The following DAPP1 variants were observed in gnomAD, a reference collection of about 807,000 sequenced individuals.
DAPP1 encodes dual adapter for phosphotyrosine and 3-phosphotyrosine and 3-phosphoinositide.
Under a neutral mutation model 41.5 loss-of-function variants are expected in DAPP1, and 20 were observed. That is an observed-to-expected ratio of 0.48 (90% CI 0.34 to 0.70). The LOEUF (loss-of-function observed/expected upper bound fraction) is 0.70. Among genes scored for constraint, DAPP1 ranks in the 30% least tolerant of loss-of-function variants. DAPP1 has a pLI of 0.01. For missense variants in DAPP1, 233 were observed against 333.4 expected (o/e 0.70, Z 2.35); for synonymous variants, 113 against 116.2 (o/e 0.97, Z 0.18).
In DAPP1 at chr4:99,861,570, T is replaced by C; in HGVS notation, c.490-8T>C. On this transcript the variant is annotated splice_polypyrimidine_tract_variant and splice_region_variant and intron_variant, in intron 4 of 8. Coordinates refer to ENST00000512369, the MANE Select transcript of DAPP1 (RefSeq NM_014395.3). ...TTCTGGTCTTCACTCAGTGCTTTTC[T>C]TTTTCAGCTGGGCACCAAAGAAGGT... The C allele has an allele frequency of 6.4e-7, 1 of 1,568,048 alleles. No individual in the cohort carries two copies. The highest frequency in any genetic ancestry group is 8.7e-7 in the Non-Finnish European group (1 of 1,155,538).
Position 99,869,793 on chromosome 4 carries a change from G to A in DAPP1, c.*1608G>A, listed in dbSNP as rs1174492619. The A allele has an allele frequency of 2.0e-5, 3 of 152,156 alleles. No homozygotes were observed. Among genetic ancestry groups the A allele is most frequent in the Admixed American group, 6.5e-5 (1 of 15,274 alleles). 9.4% of individuals were successfully genotyped at this position (152,156 alleles called of 1,614,324 possible). ...AAAAATACAAAAATTAGCTGGGCATGGTGGCAGGCGCCTGTAATCCCAGCT... is the reference window on the plus strand; with the variant it reads ...AAAAATACAAAAATTAGCTGGGCATAGTGGCAGGCGCCTGTAATCCCAGCT... On this transcript the variant is annotated 3_prime_UTR_variant, in exon 9 of 9. Transcript: ENST00000512369.
At chr4:99,847,828 GTTTT>G (rs1330737937) in intron 3 of DAPP1, among the ~76,000 whole-genome samples, 2 of 146,724 alleles carry the variant, frequency 1.4e-5, no homozygotes, top group Admixed American at 1.4e-4. Context: ...TTGTTTGTTT[GTTTT>G]GAGACAGAGT....
intron 1 of DAPP1, among the ~76,000 whole-genome samples, chr4:99,819,552 A>C (rs4699764): frequency 0.55 from 83,836 of 151,992 alleles, 23,722 homozygotes; most frequent in African/African-American, 0.69. Flanking sequence ...GAACATTATA[A>C]TGACTTTTTC....
At chr4:99,825,657 T>C (rs1454320626) in intron 1 of DAPP1, among the ~76,000 whole-genome samples, 2 of 152,222 alleles carry the variant, frequency 1.3e-5, no homozygotes, top group African/African-American at 2.4e-5. Flanking sequence ...AACGTCTCTA[T>C]TGGAGAGACT....
chr4:99,834,848 TC>T (rs1399382966), intron 1 of DAPP1, among the ~76,000 whole-genome samples: 1 of 152,138 alleles, frequency 6.6e-6, no homozygotes, highest in African/African-American at 2.4e-5. Flanking sequence ...ATTGGTTCCT[TC>T]CGAGGGCCGT....
chr4:99,841,411 G>A (rs1310404020), intron 3 of DAPP1, among the ~76,000 whole-genome samples: 4 of 152,170 alleles, frequency 2.6e-5, no homozygotes, highest in Admixed American at 6.5e-5. Flanking sequence ...GCTTTATACT[G>A]ACCACACCAA....
chr4:99,863,730 T>A, intron 6 of DAPP1, 40 bp from the exon 7 acceptor site: 1 of 1,265,406 alleles, frequency 7.9e-7, no homozygotes, highest in South Asian at 1.4e-5. Flanking sequence ...TTTTTTTTTT[T>A]TTTTTAATGG....
intron 4 of DAPP1, among the ~76,000 whole-genome samples, chr4:99,854,766 C>T (rs1261935767): frequency 6.6e-6 from 1 of 152,242 alleles, no homozygotes; most frequent in East Asian, 1.9e-4. Flanking sequence ...AGCCTTTCTT[C>T]ACCCCCACTA....
chr4:99,845,813 ATG>A (rs1723647528), intron 3 of DAPP1, among the ~76,000 whole-genome samples: 1 of 152,240 alleles, frequency 6.6e-6, no homozygotes, highest in South Asian at 2.1e-4. Flanking sequence ...CATCTTAGTC[ATG>A]TGTCTTCAGC....
At chr4:99,864,575 T>C (rs909185200) in intron 7 of DAPP1, among the ~76,000 whole-genome samples, 4 of 152,188 alleles carry the variant, frequency 2.6e-5, no homozygotes, top group African/African-American at 7.2e-5. Flanking sequence ...AATTCTATAA[T>C]ATCAACTGAG....
chr4:99,835,242 C>A (rs1440299581), intron 1 of DAPP1, among the ~76,000 whole-genome samples: 1 of 152,124 alleles, frequency 6.6e-6, no homozygotes, highest in Non-Finnish European at 1.5e-5. Context: ...CCCCTGACCT[C>A]AAGTGATCCG....
chr4:99,857,699 TATAC>T (rs775358662), intron 4 of DAPP1, among the ~76,000 whole-genome samples: 99 of 133,626 alleles, frequency 7.4e-4, no homozygotes, highest in South Asian at 6.5e-3. Context: ...TATGTATGTA[TATAC>T]ACACACACAC....
chr4:99,836,977 T>C (rs1433562476), intron 2 of DAPP1, among the ~76,000 whole-genome samples: 1 of 152,208 alleles, frequency 6.6e-6, no homozygotes, highest in Non-Finnish European at 1.5e-5. Context: ...GGTCCTCCTT[T>C]TCCTTTTAGC....
chr4:99,836,255 A>G (rs548793975), intron 2 of DAPP1, among the ~76,000 whole-genome samples: 24 of 152,160 alleles, frequency 1.6e-4, no homozygotes, highest in Non-Finnish European at 8.8e-5. Context: ...TAAGAAAGTT[A>G]ATCCAGTCCC....
chr4:99,817,599 C>T (rs940735013), intron 1 of DAPP1, among the ~76,000 whole-genome samples: 6 of 152,076 alleles, frequency 3.9e-5, no homozygotes, highest in Non-Finnish European at 8.8e-5. Context: ...ACCAACAATC[C>T]AGGAAGAGGA....
chr4:99,866,020 T>C lies in DAPP1; in HGVS notation c.687-14T>C. The C allele has an allele frequency of 7.6e-7, 1 of 1,315,218 alleles. No individual in the cohort carries two copies. Among genetic ancestry groups the C allele is most frequent in the Admixed American group, 1.9e-5 (1 of 52,816 alleles). The allele number at this position is 1,315,218 out of a possible 1,614,324, so 81.5% of individuals were successfully genotyped here. On this transcript the variant is annotated splice_polypyrimidine_tract_variant and intron_variant, in intron 7 of 8. Transcript: ENST00000512369. ...GATCTGCAATATCTTATGTTCTTTC[T>C]TTTGTCCTATTAGTTTGGTATTTCC...
intron 4 of DAPP1, among the ~76,000 whole-genome samples, chr4:99,857,492 T>C (rs1023028799): frequency 6.6e-6 from 1 of 152,202 alleles, no homozygotes; most frequent in African/African-American, 2.4e-5. Context: ...AACTCCCTCC[T>C]TCTAAAAATT....
chr4:99,826,723 C>T (rs888270440), intron 1 of DAPP1, among the ~76,000 whole-genome samples: 2 of 152,206 alleles, frequency 1.3e-5, no homozygotes, highest in Non-Finnish European at 2.9e-5. Context: ...CATGTCCACT[C>T]CAGTGCCTTT....
At chr4:99,864,065 C>A in intron 7 of DAPP1, 1 of 414,548 alleles carries the variant, frequency 2.4e-6, no homozygotes, top group Non-Finnish European at 4.3e-6. Context: ...GCTTATGTTG[C>A]GTACTGGAGA....
Sources: allele counts gnomAD v4.1 joint callset (sites outside exome capture counted in the v4.1 genomes callset), GRCh38; gene constraint gnomAD v4.1.1; transcripts MANE v1.5; gene names NCBI Gene and HGNC (gene_info 2026-07-23, HGNC 2026-07-21).